The following MDGA2 variants were observed in gnomAD, a reference collection of about 807,000 sequenced individuals.
MDGA2 encodes MAM domain containing glycosylphosphatidylinositol anchor 2, also known as MAM domain-containing glycosylphosphatidylinositol anchor protein 2.
MDGA2 carries 40 observed loss-of-function variants against 117.8 expected under a neutral mutation model. The ratio of observed to expected loss-of-function variants is 0.34; its 90% CI spans 0.26 to 0.44. The LOEUF is 0.44. Among genes scored for constraint, MDGA2 ranks in the 20% least tolerant of loss-of-function variants. The pLI, the probability that MDGA2 is intolerant of heterozygous loss-of-function variation, is 1.00. For synonymous variants in MDGA2, 452 were observed against 439.0 expected (o/e 1.03, Z -0.37); for missense variants, 1,123 against 1,250.6 (o/e 0.90, Z 1.54).
At chr14:47,001,493 A>T (rs1264057121) in intron 8 of MDGA2, among the ~76,000 whole-genome samples, 1 of 152,098 alleles carries the variant, frequency 6.6e-6, no homozygotes, top group Non-Finnish European at 1.5e-5. Flanking sequence ...AGTTGTTACT[A>T]ACATGGTAGA....
intron 1 of MDGA2, among the ~76,000 whole-genome samples, chr14:47,657,797 T>C (rs548742196): frequency 6.6e-6 from 1 of 152,154 alleles, no homozygotes; most frequent in South Asian, 2.1e-4. Context: ...ATAGAAAACT[T>C]TTGAAGGAGC....
At chr14:47,121,506 A>G (rs1285119444) in intron 5 of MDGA2, among the ~76,000 whole-genome samples, 1 of 152,100 alleles carries the variant, frequency 6.6e-6, no homozygotes, top group Non-Finnish European at 1.5e-5. Flanking sequence ...ATTAGTAGAT[A>G]GATTATATCA....
chr14:47,144,762 CCT>C (rs1345346166), intron 3 of MDGA2, among the ~76,000 whole-genome samples: 1 of 151,580 alleles, frequency 6.6e-6, no homozygotes, highest in Non-Finnish European at 1.5e-5. Context: ...CATCCTCCTA[CCT>C]CAGTCTCCTG....
chr14:47,359,884 T>C (rs1891079076), intron 1 of MDGA2, among the ~76,000 whole-genome samples: 1 of 151,660 alleles, frequency 6.6e-6, no homozygotes, highest in Admixed American at 6.6e-5. Flanking sequence ...TGTAGGGATA[T>C]ATCAAACTAA....
chr14:47,260,087 C>A (rs867645708), intron 2 of MDGA2, among the ~76,000 whole-genome samples: 1 of 151,726 alleles, frequency 6.6e-6, no homozygotes, highest in South Asian at 2.1e-4. Flanking sequence ...TCAAATGGTG[C>A]TAGATGGAAA....
intron 1 of MDGA2, among the ~76,000 whole-genome samples, chr14:47,330,685 T>C (rs1890268467): frequency 6.6e-6 from 1 of 151,792 alleles, no homozygotes; most frequent in South Asian, 2.1e-4. Context: ...TATATCATAA[T>C]GATTCTCATC....
chr14:47,336,984 C>T lies in MDGA2; in HGVS notation c.281-35434G>A, dbSNP rs572002969. Reference sequence around the variant, plus strand: ...TTCATTTCTTCTTTTCACATTCATGCCAATGTGGAAAACATAAATATGTAT... The same window carrying T: ...TTCATTTCTTCTTTTCACATTCATGTCAATGTGGAAAACATAAATATGTAT... On this transcript the variant is annotated intron_variant, in intron 1 of 16. Coordinates refer to ENST00000399232, the MANE Select transcript of MDGA2 (RefSeq NM_001113498.3). Among the ~76,000 whole-genome samples, 10 of 151,942 alleles carry T rather than the reference C, an allele frequency of 6.6e-5. No individual in the cohort carries two copies. The South Asian group carries it at 2.1e-3, about 32-fold the overall frequency.
intron 3 of MDGA2, among the ~76,000 whole-genome samples, chr14:47,161,037 T>C (rs778430432): frequency 7.2e-5 from 11 of 152,306 alleles, no homozygotes; most frequent in Middle Eastern, 3.4e-3. Flanking sequence ...CTTTCTTCCC[T>C]ATTTTATTAG....
At chr14:47,369,900 T>C (rs951926670) in intron 1 of MDGA2, among the ~76,000 whole-genome samples, 1 of 152,182 alleles carries the variant, frequency 6.6e-6, no homozygotes, top group Admixed American at 6.5e-5. Context: ...TTTTTGTATA[T>C]ACAAGCTTTT....
At chr14:47,061,959 C>T (rs6572398) in intron 6 of MDGA2, among the ~76,000 whole-genome samples, 139,742 of 151,998 alleles carry the variant, frequency 0.92, 64,323 homozygotes, top group East Asian at 1. Context: ...TCTCATTTAA[C>T]CTAATACTTT....
At chr14:47,371,168 A>G (rs2138392591) in intron 1 of MDGA2, among the ~76,000 whole-genome samples, 1 of 151,988 alleles carries the variant, frequency 6.6e-6, no homozygotes, top group Middle Eastern at 3.4e-3. Context: ...ATTCCCTGCT[A>G]GGACATGCGA....
chr14:47,637,689 C>G (rs1294991797), intron 1 of MDGA2, among the ~76,000 whole-genome samples: 3 of 152,174 alleles, frequency 2.0e-5, no homozygotes, highest in Non-Finnish European at 4.4e-5. Flanking sequence ...GAAATAAAAA[C>G]TCATGCGAAT....
chr14:47,091,782 C>T (rs1378167549), intron 6 of MDGA2, among the ~76,000 whole-genome samples: 6 of 151,984 alleles, frequency 3.9e-5, no homozygotes, highest in Admixed American at 3.9e-4. Context: ...AAAAATCTCC[C>T]ATGTATGCCC....
chr14:47,318,703 C>T (rs1230457910), intron 1 of MDGA2, among the ~76,000 whole-genome samples: 1 of 148,706 alleles, frequency 6.7e-6, no homozygotes, highest in Non-Finnish European at 1.5e-5. Context: ...CAACGCTTAC[C>T]GAATGAATTA....
chr14:47,035,239 C>T lies in MDGA2; in HGVS notation c.1591G>A (p.Glu531Lys), dbSNP rs1435708004. ...TTGCCAGTTACTTGACATTGCAGTT[C>T]TATTGTGTCTCCTTCTCTGGTGACC... ...PLVTREGDTI[E>K]LQCQVTGKPK... The change falls in exon 8 of 17, where the codon GAA becomes AAA. Residue 531 changes from glutamate to lysine, a missense_variant. This residue lies in a region of MDGA2 where 890 missense variants were observed against 1,050.3 expected (regional missense o/e 0.85). Coordinates refer to ENST00000399232, the MANE Select transcript of MDGA2 (RefSeq NM_001113498.3). 1 of 1,614,134 alleles carries T rather than the reference C, an allele frequency of 6.2e-7. No individual in the cohort carries two copies. The highest frequency in any genetic ancestry group is 8.5e-7 in the Non-Finnish European group (1 of 1,180,004).
intron 1 of MDGA2, among the ~76,000 whole-genome samples, chr14:47,558,068 G>A (rs1895718322): frequency 6.6e-6 from 1 of 152,112 alleles, no homozygotes; most frequent in African/African-American, 2.4e-5. Flanking sequence ...TGGAATAGTC[G>A]ACAGTGAAAA....
At chr14:47,045,973 A>G (rs1339978302) in intron 7 of MDGA2, among the ~76,000 whole-genome samples, 8 of 135,046 alleles carry the variant, frequency 5.9e-5, no homozygotes, top group Non-Finnish European at 1.1e-4. Flanking sequence ...TCAAAAAAAA[A>G]GGGGGAACAT....
At chr14:47,230,076 G>T (rs1003316824) in intron 2 of MDGA2, among the ~76,000 whole-genome samples, 4 of 151,918 alleles carry the variant, frequency 2.6e-5, no homozygotes, top group Admixed American at 6.6e-5. Context: ...TGTTGAAAAT[G>T]AAGCAGAAAT....
At chr14:46,846,371 A>G (rs1180201291) in intron 15 of MDGA2, among the ~76,000 whole-genome samples, 1 of 152,158 alleles carries the variant, frequency 6.6e-6, no homozygotes, top group Non-Finnish European at 1.5e-5. Flanking sequence ...TCTCACAAAT[A>G]GATTGAATAG....
Sources: allele counts gnomAD v4.1 joint callset (sites outside exome capture counted in the v4.1 genomes callset), GRCh38; gene constraint gnomAD v4.1.1; regional missense constraint gnomAD v4.1.1; transcripts MANE v1.5; gene names NCBI Gene and HGNC (gene_info 2026-07-23, HGNC 2026-07-21).